The following TENM3 variants were observed in gnomAD, a reference collection of about 807,000 sequenced individuals.
The protein encoded by TENM3 is teneurin transmembrane protein 3.
Under a neutral mutation model 255.1 loss-of-function variants are expected in TENM3, and 63 were observed. The observed-to-expected ratio is 0.25, with a 90% confidence interval of 0.20 to 0.30. The LOEUF (loss-of-function observed/expected upper bound fraction) is 0.30. Ranked by LOEUF, TENM3 falls within the 10% of genes least tolerant of loss-of-function variation. The probability of loss-of-function intolerance (pLI) is 1.00; values close to 1 mark genes in which losing one functional copy is unlikely to be tolerated. For missense variants in TENM3, 2,929 were observed against 3,461.1 expected, an observed-to-expected ratio of 0.85 and a Z score of 3.86; for synonymous variants, 1,306 against 1,322.3, an observed-to-expected ratio of 0.99 and a Z score of 0.27.
In TENM3 at chr4:182,802,650, A is replaced by T. The variant is rs1767054023; in HGVS notation, c.*2299A>T. On this transcript the variant is annotated 3_prime_UTR_variant, in exon 28 of 28. Coordinates refer to ENST00000511685, the MANE Select transcript of TENM3 (RefSeq NM_001080477.4). ...GGTGCTTATTTTAGATGATGAAGTC[A>T]AATCAACCCAATTAGTGTCCTGTTA... 1 of 152,648 alleles carries T rather than the reference A, an allele frequency of 6.6e-6. No individual in the cohort carries two copies. The highest frequency in any genetic ancestry group is 1.5e-5 in the Non-Finnish European group (1 of 68,042). 9.5% of individuals were successfully genotyped at this position (152,648 alleles called of 1,614,324 possible).
chr4:182,391,265 T>C (rs1247819421), intron 3 of TENM3, among the ~76,000 whole-genome samples: 1 of 152,192 alleles, frequency 6.6e-6, no homozygotes, highest in East Asian at 1.9e-4. Context: ...AGTCTCCCTT[T>C]ACAGATTAGG....
Position 182,716,445 on chromosome 4 carries a change from G to A in TENM3, c.2368+2212G>A, listed in dbSNP as rs1759181618. On this transcript the variant is annotated intron_variant, in intron 13 of 27. Transcript: ENST00000511685. ...TATCTCTAGGCTCCCCTCTCGGAGG[G>A]GAAATCTGAGCTGACAGAAGACCTC... Among the ~76,000 whole-genome samples the A allele has an allele frequency of 2.0e-5, 3 of 152,190 alleles. No individual in the cohort carries two copies. The South Asian group carries it at 6.2e-4, about 32-fold the overall frequency.
intron 3 of TENM3, among the ~76,000 whole-genome samples, chr4:182,532,198 T>C (rs983143834): frequency 1.3e-5 from 2 of 152,190 alleles, no homozygotes; most frequent in African/African-American, 4.8e-5. Context: ...AATAAAATAA[T>C]CATAGACTGT....
chr4:182,708,381 C>T (rs980368655), intron 12 of TENM3, among the ~76,000 whole-genome samples: 1 of 151,764 alleles, frequency 6.6e-6, no homozygotes, highest in African/African-American at 2.4e-5. Context: ...GCCAGGTGTT[C>T]ATAATCTGTA....
At chr4:181,943,747 A>T in the TENM3 span, among the ~76,000 whole-genome samples, 1 of 152,188 alleles carries the variant, frequency 6.6e-6, no homozygotes, top group Non-Finnish European at 1.5e-5. Flanking sequence ...AGGCTTTTGC[A>T]TATAATTCAG....
At chr4:182,109,875 A>G in the TENM3 span, among the ~76,000 whole-genome samples, 1 of 152,238 alleles carries the variant, frequency 6.6e-6, no homozygotes, top group African/African-American at 2.4e-5. Context: ...ACTATGGCCC[A>G]TGTGCCAAAT....
intron 2 of TENM3, among the ~76,000 whole-genome samples, chr4:182,325,489 A>T (rs981160059): frequency 2.0e-5 from 3 of 152,250 alleles, no homozygotes; most frequent in African/African-American, 7.2e-5. Flanking sequence ...AAAATAGCTT[A>T]ACATTTTTAA....
At chr4:182,527,567 A>T (rs898121575) in intron 3 of TENM3, among the ~76,000 whole-genome samples, 1 of 152,182 alleles carries the variant, frequency 6.6e-6, no homozygotes, top group African/African-American at 2.4e-5. Context: ...AGATGTAATT[A>T]AATGGATGAT....
intron 3 of TENM3, among the ~76,000 whole-genome samples, chr4:182,426,007 C>CAAAAAAGAAAAAAAAAAAAAAAAAAAA (rs1771184155): frequency 1.1e-5 from 1 of 90,762 alleles, no homozygotes; most frequent in Non-Finnish European, 2.2e-5. Flanking sequence ...GAGTCCATGT[C>CAAAAAAGAAAAAAAAAAAAAAAAAAAA]AAAAAAAAAA....
At chr4:181,796,668 G>A in the TENM3 span, among the ~76,000 whole-genome samples, 26,084 of 152,086 alleles carry the variant, frequency 0.17, 2,889 homozygotes, top group Non-Finnish European at 0.25. Flanking sequence ...CTGACCATGG[G>A]GGTGAGAGAG....
At chr4:181,970,305 G>A in the TENM3 span, among the ~76,000 whole-genome samples, 1 of 152,136 alleles carries the variant, frequency 6.6e-6, no homozygotes, top group Non-Finnish European at 1.5e-5. Context: ...TTCGCTGTCA[G>A]GATCTACAGC....
chr4:182,744,688 A>C (rs1191005787), intron 19 of TENM3, among the ~76,000 whole-genome samples: 2 of 152,212 alleles, frequency 1.3e-5, no homozygotes, highest in African/African-American at 4.8e-5. Context: ...AAGCTTAATT[A>C]TTAGCTTCCC....
At chr4:182,493,208 C>T (rs1026950207) in intron 3 of TENM3, among the ~76,000 whole-genome samples, 1 of 152,076 alleles carries the variant, frequency 6.6e-6, no homozygotes, top group Non-Finnish European at 1.5e-5. Context: ...TTTTGAAGCA[C>T]ATGTGTTGCA....
the TENM3 span, among the ~76,000 whole-genome samples, chr4:181,481,982 C>T: frequency 7.2e-5 from 11 of 152,050 alleles, no homozygotes; most frequent in Non-Finnish European, 1.5e-4. Flanking sequence ...AAGCAGTCAT[C>T]AGAGCTACTT....
the TENM3 span, among the ~76,000 whole-genome samples, chr4:182,015,186 G>A: frequency 6.6e-6 from 1 of 152,318 alleles, no homozygotes; most frequent in African/African-American, 2.4e-5. Context: ...GGCAGGATCT[G>A]CCTCGGGTAC....
chr4:181,880,602 G>A, the TENM3 span, among the ~76,000 whole-genome samples: 2 of 152,102 alleles, frequency 1.3e-5, no homozygotes, highest in Non-Finnish European at 2.9e-5. Flanking sequence ...AGTGAATATG[G>A]TGATAGTGAC....
At position 182,161,699 on chromosome 4, in the gene TENM3, G is replaced by GTA. The variant is rs1210818013; in HGVS notation, c.-76+16954_-76+16955dup. Among the ~76,000 whole-genome samples, 524 of 91,346 alleles carry GTA rather than the reference G, an allele frequency of 5.7e-3. 57 individuals carry two copies. Among genetic ancestry groups the GTA allele is most frequent in the African/African-American group, 0.024 (481 of 20,196 alleles). 59.9% of individuals were successfully genotyped at this position (91,346 alleles called of 152,430 possible). On this transcript the variant is annotated intron_variant, in intron 1 of 2. Transcript: ENST00000512480. ...TGTATATATATACACAAATATATAT[G>GTA]TATATATATACATATATATGTGTAT... is the stretch of plus-strand genomic sequence containing the variant.
At chr4:181,557,413 G>A in the TENM3 span, among the ~76,000 whole-genome samples, 1 of 152,080 alleles carries the variant, frequency 6.6e-6, no homozygotes, top group Admixed American at 6.6e-5. Flanking sequence ...ATGGAACTGT[G>A]CTTAAAAGTA....
chr4:182,531,472 A>G (rs1739773815), intron 3 of TENM3, among the ~76,000 whole-genome samples: 1 of 152,154 alleles, frequency 6.6e-6, no homozygotes, highest in South Asian at 2.1e-4. Flanking sequence ...CATAAAGTAA[A>G]AGGGGTCCCC....
Sources: gnomAD v4.1 joint callset for allele counts (sites outside exome capture counted in the v4.1 genomes callset) on GRCh38, gnomAD v4.1.1 for gene constraint, MANE v1.5 for transcripts, NCBI Gene and HGNC (gene_info 2026-07-23, HGNC 2026-07-21) for gene names.